ADCK5: variants seen among roughly 807,000 people sequenced by gnomAD.
ADCK5 encodes uncharacterized aarF domain-containing protein kinase 5.
A neutral mutation model predicts 64.9 loss-of-function variants in ADCK5; 43 were observed. That is an observed-to-expected ratio of 0.66 (90% CI 0.52 to 0.85). The LOEUF is 0.85. ADCK5 is among the 40% of genes least tolerant of loss of function. ADCK5 has a pLI of 0.00. For missense variants in ADCK5, 760 were observed against 810.5 expected (o/e 0.94, Z 0.76); for synonymous variants, 434 against 342.8 (o/e 1.27, Z -2.94).
chr8:144,391,338 C>A, intron 6 of ADCK5, 23 bp from the exon 7 acceptor site: 1 of 1,612,720 alleles, frequency 6.2e-7, no homozygotes, highest in Non-Finnish European at 8.5e-7. Context: ...CCCAAGTTCT[C>A]ACCACACCCT....
chr8:144,379,565 C>G (rs1309275035), intron 2 of ADCK5, 75 bp downstream of exon 2: 4 of 1,246,568 alleles, frequency 3.2e-6, no homozygotes, highest in Non-Finnish European at 4.4e-6. Context: ...GCAGAGGTGG[C>G]AGTCGAGGGC....
rs1482745967 is a variant in ADCK5, at chr8:144,393,211, G to A, written c.*137G>A. The A allele has an allele frequency of 3.7e-6, 5 of 1,365,480 alleles. No individual in the cohort carries two copies. Among genetic ancestry groups the A allele is most frequent in the East Asian group, 2.5e-5 (1 of 39,618 alleles). 84.6% of individuals were successfully genotyped at this position (1,365,480 alleles called of 1,614,324 possible). On this transcript the variant is annotated 3_prime_UTR_variant, in exon 15 of 15. Coordinates refer to ENST00000308860, the MANE Select transcript of ADCK5 (RefSeq NM_174922.5). ...GACAGCAGCTGGGCCAGGAGGCCGT[G>A]TAATGACCACACACTCCTCTCAAGC...
rs781848331 is a variant in ADCK5 at position 144,392,237 on chromosome 8, G to C, written c.1176-17G>C. Reference sequence around the variant, plus strand: ...CTGCCGCAGGGAGCTCATGGCTGCGGGCCCATCCACACCCAGGGACCGCGC... The same window carrying C: ...CTGCCGCAGGGAGCTCATGGCTGCGCGCCCATCCACACCCAGGGACCGCGC... On this transcript the variant is annotated splice_polypyrimidine_tract_variant and intron_variant, in intron 11 of 14. Transcript: ENST00000308860. The C allele has an allele frequency of 1.9e-6, 3 of 1,542,942 alleles. No individual in the cohort carries two copies. Among genetic ancestry groups the C allele is most frequent in the South Asian group, 2.4e-5 (2 of 84,132 alleles).
rs576302152 is a variant in ADCK5, at chr8:144,392,353, C to T, written c.1267+8C>T. 1.9e-6 allele frequency: 2 copies of T among 1,052,410 alleles called. No individual in the cohort carries two copies. Among genetic ancestry groups the T allele is most frequent in the Non-Finnish European group, 2.6e-6 (2 of 762,838 alleles). The allele number at this position is 1,052,410 out of a possible 1,614,324, so 65.2% of individuals were successfully genotyped here. Reference sequence around the variant, plus strand: ...CCGCACTGGGGGTGCAAGGTGAGGGCGTGCGGGGATGGCTGGGGCACCACA... The same window carrying T: ...CCGCACTGGGGGTGCAAGGTGAGGGTGTGCGGGGATGGCTGGGGCACCACA... On this transcript the variant is annotated splice_region_variant and intron_variant, in intron 12 of 14. Coordinates refer to ENST00000308860, the MANE Select transcript of ADCK5 (RefSeq NM_174922.5).
chr8:144,378,737 G>C (rs544892663), intron 1 of ADCK5, among the ~76,000 whole-genome samples: 46 of 152,062 alleles, frequency 3.0e-4, no homozygotes, highest in Non-Finnish European at 1.2e-4. Flanking sequence ...AAATTAGCTG[G>C]ATGTGGTGGC....
At chr8:144,388,938 C>A (rs1280506621) in intron 3 of ADCK5, among the ~76,000 whole-genome samples, 1 of 152,192 alleles carries the variant, frequency 6.6e-6, no homozygotes, top group Non-Finnish European at 1.5e-5. Context: ...GGCCCTGTCC[C>A]CAGGCAGGTA....
Position 144,391,379 on chromosome 8 carries a change from C to T in ADCK5, c.703C>T (p.Arg235Trp), listed in dbSNP as rs1554860503. The change falls in exon 7 of 15, where the codon CGG becomes TGG. Residue 235 changes from arginine (R) to tryptophan (W), a missense_variant. Coordinates refer to ENST00000308860, the MANE Select transcript of ADCK5 (RefSeq NM_174922.5). ...VAVKVQYIDL[R>W]DRFDGDIHTL... ...AGTGCAGGTGCAGTACATCGACCTG[C>T]GGGACCGCTTTGATGGGGACATCCA... The T allele has an allele frequency of 9.9e-6, 16 of 1,613,144 alleles. No individual in the cohort carries two copies. Among genetic ancestry groups the T allele is most frequent in the Admixed American group, 1.7e-5 (1 of 60,020 alleles).
intron 3 of ADCK5, among the ~76,000 whole-genome samples, chr8:144,388,588 C>T (rs371934227): frequency 2.0e-4 from 31 of 151,810 alleles, no homozygotes; most frequent in African/African-American, 7.5e-4. Context: ...CACGGTGAAA[C>T]CCCATCTCTA....
chr8:144,383,256 G>T (rs782353064), intron 3 of ADCK5, 26 bp downstream of exon 3: 60 of 1,543,564 alleles, frequency 3.9e-5, no homozygotes, highest in Non-Finnish European at 4.8e-5. Flanking sequence ...GGCAGGCAGG[G>T]GTTGCGGCGT....
At chr8:144,382,293 C>T (rs112412802) in intron 2 of ADCK5, among the ~76,000 whole-genome samples, 67 of 146,618 alleles carry the variant, frequency 4.6e-4, no homozygotes, top group Non-Finnish European at 2.1e-4. Flanking sequence ...GGGCCGGGTG[C>T]AGAAACAGAT....
At chr8:144,391,525 C>G (rs1554860598) in intron 7 of ADCK5, 51 bp downstream of exon 7, 1 of 1,587,150 alleles carries the variant, frequency 6.3e-7, no homozygotes, top group South Asian at 1.1e-5. Context: ...GTAGGCAGAG[C>G]TGGTAGGAGC....
chr8:144,375,868 T>TG (rs1819342292), intron 1 of ADCK5, among the ~76,000 whole-genome samples: 2 of 152,062 alleles, frequency 1.3e-5, no homozygotes, highest in East Asian at 1.9e-4. Flanking sequence ...CTCAGGTGTG[T>TG]TGGGGGAAGG....
upstream of ADCK5, chr8:144,373,315 G>A (rs115681961): frequency 5.9e-5 from 9 of 152,222 alleles, no homozygotes; most frequent in Non-Finnish European, 1.0e-4. Flanking sequence ...GTCTAGTAGC[G>A]GTGAGGTCAG....
rs1039196082 is a variant in ADCK5, at chr8:144,390,665, C to T, written c.267-6C>T. 6.2e-7 allele frequency: 1 copy of T among 1,613,048 alleles called. No homozygotes were observed. The highest frequency in any genetic ancestry group is 1.3e-5 in the African/African-American group (1 of 74,938). ...CGCTGGAGACTGAGGCCACCTCTGC[C>T]CGCAGGTCTCTGAAGGTCGGCCTGC... On this transcript the variant is annotated splice_polypyrimidine_tract_variant and splice_region_variant and intron_variant, in intron 3 of 14. Transcript: ENST00000308860.
chr8:144,379,631 A>G (rs1421927924), intron 2 of ADCK5, 141 bp downstream of exon 2: 1 of 702,764 alleles, frequency 1.4e-6, no homozygotes, highest in Non-Finnish European at 2.2e-6. Context: ...TTTGCTCCTC[A>G]GTGCGGTGCA....
chr8:144,373,819 C>G (rs961766082), upstream of ADCK5: 2 of 363,094 alleles, frequency 5.5e-6, no homozygotes, highest in South Asian at 1.5e-4. Flanking sequence ...GGTGCCTGCC[C>G]GGGGAATGCG....
At chr8:144,373,501 G>A (rs529961392), upstream of ADCK5, among the ~76,000 whole-genome samples, 2 of 152,318 alleles carry the variant, frequency 1.3e-5, no homozygotes, top group East Asian at 3.9e-4. Flanking sequence ...CAGGGACCAA[G>A]GGTGGCTGCA....
chr8:144,379,446 C>G lies in ADCK5; in HGVS notation c.72C>G (p.Ser24=). The G allele has an allele frequency of 6.2e-7, 1 of 1,610,420 alleles. No homozygotes were observed. Among genetic ancestry groups the G allele is most frequent in the Non-Finnish European group, 8.5e-7 (1 of 1,178,084 alleles). The change falls in exon 2 of 15, where the codon TCC becomes TCG. Residue 24 remains serine (S), a synonymous_variant. Coordinates refer to ENST00000308860, the MANE Select transcript of ADCK5 (RefSeq NM_174922.5). Reference sequence around the variant, plus strand: ...ACAGCAGGCAGAAGCCCTGGCCGTCCCCTGCTGTGTTCTTCAGGAGAAACG... The same window carrying G: ...ACAGCAGGCAGAAGCCCTGGCCGTCGCCTGCTGTGTTCTTCAGGAGAAACG... The part of the protein sequence containing the change: ...LLHSRQKPWP[S]PAVFFRRNVR...
At position 144,376,603 on chromosome 8, in the gene ADCK5, C is replaced by A. The variant is rs562229778; in HGVS notation, c.12+2496C>A. ...GCCAGCCATGACTTTCCTGGCCTCACCTGTTTGGTGGAGCCTGTGGAAACA... is the reference window on the plus strand; with the variant it reads ...GCCAGCCATGACTTTCCTGGCCTCAACTGTTTGGTGGAGCCTGTGGAAACA... On this transcript the variant is annotated intron_variant, in intron 1 of 14. Transcript: ENST00000308860. This position sits in a 1 kb window ranked among gnomAD's most constrained non-coding sequence, Gnocchi z 5.1. Among the ~76,000 whole-genome samples the A allele has an allele frequency of 6.6e-6, 1 of 152,330 alleles. No individual in the cohort carries two copies. The highest frequency in any genetic ancestry group is 1.9e-4 in the East Asian group (1 of 5,184).
Sources: allele counts gnomAD v4.1 joint callset (sites outside exome capture counted in the v4.1 genomes callset), GRCh38; gene constraint gnomAD v4.1.1; non-coding constraint Gnocchi (gnomAD v3.1); transcripts MANE v1.5; gene names NCBI Gene and HGNC (gene_info 2026-07-23, HGNC 2026-07-21).